Variants in ZNF438 observed in about 807,000 individuals in gnomAD.
The protein encoded by ZNF438 is zinc finger protein 438.
ZNF438 carries 25 observed loss-of-function variants against 38.0 expected under a neutral mutation model. That is an observed-to-expected ratio of 0.66 (90% CI 0.48 to 0.92). The LOEUF (loss-of-function observed/expected upper bound fraction) is 0.92, where lower values mean the gene tolerates loss of function less well. ZNF438 is among the 40% of genes least tolerant of loss of function. The probability of loss-of-function intolerance (pLI) is 0.00; values close to 1 mark genes in which losing one functional copy is unlikely to be tolerated. For missense variants in ZNF438, 1,007 were observed against 999.6 expected (o/e 1.01, Z -0.10); for synonymous variants, 372 against 364.1 (o/e 1.02, Z -0.25).
At chr10:31,025,594 T>C (rs2133368627) in intron 1 of ZNF438, among the ~76,000 whole-genome samples, 1 of 152,290 alleles carries the variant, frequency 6.6e-6, no homozygotes, top group East Asian at 1.9e-4. Context: ...TGAAGAATAA[T>C]AGCTACGTAG....
rs2037123792 is a variant in ZNF438 at position 30,869,948 on chromosome 10, T to C, written c.37+7050A>G. On this transcript the variant is annotated intron_variant, in intron 4 of 5. Transcript: ENST00000413025. ...GTACTCCTTGCTACTGTGTGTTCAA[T>C]GTGAGGGCTGGAGAGTCACAGATCT... 2.0e-5 allele frequency among the ~76,000 whole-genome samples: 3 copies of C among 152,232 alleles called. No individual in the cohort carries two copies. In the South Asian group the frequency reaches 6.2e-4, roughly 31 times the overall value.
intron 1 of ZNF438, among the ~76,000 whole-genome samples, chr10:30,950,418 T>C (rs541680796): frequency 0.012 from 1,662 of 144,266 alleles, 24 homozygotes; most frequent in African/African-American, 0.039. Context: ...CTGAAGGAAA[T>C]AGAGACACAA....
chr10:31,001,139 G>A (rs1299818378), intron 1 of ZNF438, among the ~76,000 whole-genome samples: 1 of 152,096 alleles, frequency 6.6e-6, no homozygotes, highest in African/African-American at 2.4e-5. Context: ...ATGGATGTCT[G>A]TCTTTCCTGT....
At chr10:30,962,565 A>G (rs1042282827) in intron 1 of ZNF438, among the ~76,000 whole-genome samples, 1 of 147,586 alleles carries the variant, frequency 6.8e-6, no homozygotes, top group African/African-American at 2.4e-5. Context: ...ACCAATATAC[A>G]CTACGTAATA....
At chr10:30,854,085 C>T (rs987611111) in intron 4 of ZNF438, among the ~76,000 whole-genome samples, 1 of 152,036 alleles carries the variant, frequency 6.6e-6, no homozygotes, top group Non-Finnish European at 1.5e-5. Context: ...TTTGGGAGGC[C>T]GAGACAGGTG....
At chr10:30,955,533 A>G (rs2048768260) in intron 1 of ZNF438, among the ~76,000 whole-genome samples, 1 of 152,224 alleles carries the variant, frequency 6.6e-6, no homozygotes, top group African/African-American at 2.4e-5. Context: ...GACTATGCTA[A>G]GACTACCATG....
At chr10:30,985,266 G>C (rs776684086) in intron 1 of ZNF438, among the ~76,000 whole-genome samples, 2 of 152,162 alleles carry the variant, frequency 1.3e-5, no homozygotes, top group Non-Finnish European at 2.9e-5. Context: ...ACTGCTCCCT[G>C]CTCATGGCTA....
At chr10:30,935,129 A>G (rs2046105331) in intron 2 of ZNF438, among the ~76,000 whole-genome samples, 1 of 152,232 alleles carries the variant, frequency 6.6e-6, no homozygotes, top group South Asian at 2.1e-4. Context: ...TCTCACCACA[A>G]CACCAAATGG....
chr10:30,896,310 A>C (rs1451468132), intron 3 of ZNF438, among the ~76,000 whole-genome samples: 3 of 147,594 alleles, frequency 2.0e-5, no homozygotes, highest in Non-Finnish European at 3.0e-5. Flanking sequence ...AAAAAAAAAA[A>C]AAAAACAAAA....
intron 2 of ZNF438, among the ~76,000 whole-genome samples, chr10:30,935,802 G>A (rs1217253463): frequency 6.6e-6 from 1 of 152,122 alleles, no homozygotes; most frequent in Admixed American, 6.5e-5. Flanking sequence ...GAGTGAGGAG[G>A]GGAGAGCCCC....
chr10:30,976,606 G>A (rs1369624950), intron 1 of ZNF438, among the ~76,000 whole-genome samples: 1 of 152,054 alleles, frequency 6.6e-6, no homozygotes, highest in Admixed American at 6.6e-5. Flanking sequence ...AATTAGCCAG[G>A]TGTAGTGGCA....
intron 4 of ZNF438, among the ~76,000 whole-genome samples, chr10:30,852,277 C>T (rs538192364): frequency 7.3e-5 from 11 of 150,706 alleles, no homozygotes; most frequent in Admixed American, 3.3e-4. Flanking sequence ...GGTGCGATCT[C>T]GGCTCACAGC....
chr10:30,981,556 G>T (rs1172382051), intron 1 of ZNF438, among the ~76,000 whole-genome samples: 2 of 152,116 alleles, frequency 1.3e-5, no homozygotes, highest in Admixed American at 1.3e-4. Flanking sequence ...GATTATATGA[G>T]ATAATGTAAG....
intron 2 of ZNF438, among the ~76,000 whole-genome samples, chr10:30,914,687 G>A (rs953591631): frequency 3.3e-4 from 50 of 151,988 alleles, no homozygotes; most frequent in African/African-American, 1.0e-3. Context: ...ATATATACTC[G>A]ACTACAGAAT....
intron 2 of ZNF438, among the ~76,000 whole-genome samples, chr10:30,925,134 T>C (rs895926548): frequency 6.6e-6 from 1 of 152,200 alleles, no homozygotes; most frequent in African/African-American, 2.4e-5. Context: ...TTGCCAATAA[T>C]GACAGTGTTT....
chr10:30,860,021 C>A lies in ZNF438; in HGVS notation c.38-9654G>T, dbSNP rs111684400. Among the ~76,000 whole-genome samples the A allele has an allele frequency of 4.4e-3, 668 of 152,202 alleles. 8 individuals carry two copies. Among genetic ancestry groups the A allele is most frequent in the African/African-American group, 0.015 (617 of 41,516 alleles). On this transcript the variant is annotated intron_variant, in intron 4 of 5. Transcript: ENST00000413025. ...CCCTTCATTTTCCCCCCGAGATTAG[C>A]CATAGAATCTAGAATCCCTCTTCCC...
chr10:31,016,964 T>C (rs2056239962), intron 1 of ZNF438, among the ~76,000 whole-genome samples: 1 of 152,172 alleles, frequency 6.6e-6, no homozygotes, highest in African/African-American at 2.4e-5. Context: ...CTCTGGGCAA[T>C]ATACAACCCT....
intron 3 of ZNF438, among the ~76,000 whole-genome samples, chr10:30,888,711 T>C (rs2040281968): frequency 6.6e-6 from 1 of 152,228 alleles, no homozygotes; most frequent in Admixed American, 6.5e-5. Flanking sequence ...GATCTCATTC[T>C]TTTTTATGGC....
intron 3 of ZNF438, among the ~76,000 whole-genome samples, chr10:30,884,313 A>T (rs960385921): frequency 3.9e-5 from 6 of 152,284 alleles, no homozygotes; most frequent in Admixed American, 2.0e-4. Flanking sequence ...TTATTAAAAA[A>T]TTTTTGGATA....
Sources: allele counts gnomAD v4.1 joint callset (sites outside exome capture counted in the v4.1 genomes callset), GRCh38; gene constraint gnomAD v4.1.1; transcripts MANE v1.5; gene names NCBI Gene and HGNC (gene_info 2026-07-23, HGNC 2026-07-21).